Variants in PAGE5 observed in about 807,000 individuals in gnomAD.
PAGE5 encodes the protein PAGE family member 5.
In PAGE5, 8 loss-of-function variants were observed where a neutral mutation model predicts 8.1. The ratio of observed to expected loss-of-function variants is 0.98; its 90% CI spans 0.58 to 1.77. PAGE5 has a LOEUF of 1.77. Ranked by LOEUF, PAGE5 falls within the 40% of genes most tolerant of loss-of-function variation. The pLI, the probability that PAGE5 is intolerant of heterozygous loss-of-function variation, is 0.00. For synonymous variants in PAGE5, 30 were observed against 27.0 expected (o/e 1.11, Z -0.35); for missense variants, 64 against 77.6 (o/e 0.82, Z 0.66).
rs139157701 is a variant in PAGE5 at position 55,220,374 on chromosome X, G to C, written c.-87G>C. On this transcript the variant is annotated 5_prime_UTR_variant, in exon 1 of 5. Coordinates refer to ENST00000374955, the MANE Select transcript of PAGE5 (RefSeq NM_001013435.3). ...CTGTCTAGGCAGAGCTCTGCAAGGA[G>C]AGGTTGTGTCTTCGTTCTTTCCGCC... 3,488 of 412,140 alleles carry C rather than the reference G, an allele frequency of 8.5e-3. 17 individuals are homozygous for C. Among genetic ancestry groups the C allele is most frequent in the Non-Finnish European group, 0.013 (2,947 of 231,016 alleles). 34.0% of individuals were successfully genotyped at this position (412,140 alleles called of 1,213,427 possible).
intron 1 of PAGE5, chrX:55,220,712 T>TA: frequency 1.8e-6 from 2 of 1,098,009 alleles, no homozygotes; most frequent in African/African-American, 3.6e-5. Context: ...TGGGTGCTGT[T>TA]AGAGGTGTCT....
chrX:55,221,989 A>G (rs774897304), intron 3 of PAGE5, 114 bp downstream of exon 3: 70 of 813,246 alleles, frequency 8.6e-5, no homozygotes, highest in Non-Finnish European at 1.1e-4. Flanking sequence ...AATCTTAAAC[A>G]TTTCTTACTG....
At chrX:55,223,875 A>T (rs1237902852) in intron 4 of PAGE5, 112 bp from the exon 5 acceptor site, 1 of 511,331 alleles carries the variant, frequency 2.0e-6, no homozygotes, top group East Asian at 4.2e-5. Flanking sequence ...AGCTAAAGGG[A>T]CACCCTCAGG....
chrX:55,222,626 G>T lies in PAGE5; in HGVS notation c.196G>T (p.Asp66Tyr), dbSNP rs919542312. ...NEGAPAVQGT[D>Y]VEAFQQELAL... ...GACGACTTTTTATCTTTAAGGGACT[G>T]ATGTGGAAGCTTTTCAACAGGAACT... The change falls in exon 4 of 5, where the codon GAT (aspartate) becomes TAT (tyrosine). Residue 66 changes from aspartate to tyrosine, a missense_variant. By Grantham distance (160) the Asp-to-Tyr change is radical. Coordinates refer to ENST00000374955, the MANE Select transcript of PAGE5 (RefSeq NM_001013435.3). 2 of 1,206,356 alleles carry T rather than the reference G, an allele frequency of 1.7e-6. No homozygotes were observed. Among genetic ancestry groups the T allele is most frequent in the Non-Finnish European group, 2.2e-6 (2 of 890,548 alleles).
chrX:55,223,826 G>T (rs1180004782), intron 4 of PAGE5, among the ~76,000 whole-genome samples, 161 bp from the exon 5 acceptor site: 1 of 111,768 alleles, frequency 8.9e-6, no homozygotes, highest in Admixed American at 9.5e-5. Flanking sequence ...ATGCCTGGAA[G>T]TCTACCTTCT....
At chrX:55,220,674 C>T (rs1198200381) in intron 1 of PAGE5, 1 of 1,187,816 alleles carries the variant, frequency 8.4e-7, no homozygotes. Context: ...GGGGGTAGAT[C>T]GCCTGAAGAT....
At chrX:55,221,899 G>A (rs1773863297) in intron 3 of PAGE5, 24 bp downstream of exon 3, 1 of 1,169,413 alleles carries the variant, frequency 8.6e-7, no homozygotes, top group African/African-American at 1.8e-5. Context: ...GGAGAATAAT[G>A]CTTATGGGTG....
intron 4 of PAGE5, among the ~76,000 whole-genome samples, chrX:55,223,023 G>A (rs925730714): frequency 4.5e-5 from 5 of 111,531 alleles, no homozygotes; most frequent in African/African-American, 1.3e-4. Context: ...TTGGGTCAAA[G>A]CTAATTGAGT....
rs987453706 is a variant in PAGE5, at chrX:55,223,234, A to G, written c.316+488A>G. ...GATAAGAAAAGGTTTTCTAACTTTT[A>G]AATGTAAGTCATGTAACCAACAGCC... On this transcript the variant is annotated intron_variant, in intron 4 of 4. Coordinates refer to ENST00000374955, the MANE Select transcript of PAGE5 (RefSeq NM_001013435.3). Among the ~76,000 whole-genome samples, 4 of 112,782 alleles carry G rather than the reference A, an allele frequency of 3.5e-5. No individual in the cohort carries two copies. In the Admixed American group the frequency reaches 3.7e-4, roughly 11 times the overall value.
rs752962148 is a variant in PAGE5 at position 55,221,564 on chromosome X, A to T, written c.81+101A>T. 1.5e-3 allele frequency: 1,490 copies of T among 998,696 alleles called. 8 individuals carry two copies. The highest frequency in any genetic ancestry group is 1.1e-3 in the Non-Finnish European group (811 of 736,147). 82.3% of individuals were successfully genotyped at this position (998,696 alleles called of 1,213,427 possible). A position where few individuals can be genotyped will look rare whatever the true frequency, so the allele number is the denominator to read the frequency against. ...ACTGATACAGGTGTTCCATGCTAAT[A>T]AAAAATGATGATGGCATCTCATGAA... On this transcript the variant is annotated intron_variant, in intron 2 of 4. Transcript: ENST00000374955.
At chrX:55,220,480 A>C in intron 1 of PAGE5, 28 bp downstream of exon 1, 1 of 646,340 alleles carries the variant, frequency 1.5e-6, no homozygotes, top group Non-Finnish European at 2.5e-6. Flanking sequence ...TCTTCCTGGT[A>C]ATTTAGTTGT....
intron 4 of PAGE5, among the ~76,000 whole-genome samples, chrX:55,223,229 C>CT (rs1937916565): frequency 2.7e-5 from 3 of 112,376 alleles, no homozygotes; most frequent in African/African-American, 9.7e-5. Flanking sequence ...GGTTTTCTAA[C>CT]TTTTAAATGT....
chrX:55,220,450 C>T lies in PAGE5; in HGVS notation c.-11C>T. 1.9e-6 allele frequency: 1 copy of T among 529,623 alleles called. No individual in the cohort carries two copies. The highest frequency in any genetic ancestry group is 2.9e-5 in the Admixed American group (1 of 34,431). 43.6% of individuals were successfully genotyped at this position (529,623 alleles called of 1,213,427 possible). A position where few individuals can be genotyped will look rare whatever the true frequency, so the allele number is the denominator to read the frequency against. On this transcript the variant is annotated splice_region_variant and 5_prime_UTR_variant, in exon 1 of 5. Transcript: ENST00000374955. ...TTCTTTCTCACTGACCGAGACTCAG[C>T]CGGTAGGTCTGCAGAGTGGTCTTCC...
chrX:55,221,809 C>T lies in PAGE5; in HGVS notation c.124C>T (p.Pro42Ser). ...TEEKRQEEEP[P>S]TDNQGIAPSG... ...GGAAAAACGTCAAGAAGAGGAACCACCAACTGATAATCAGGGTATTGCACC... is the reference window on the plus strand; with the variant it reads ...GGAAAAACGTCAAGAAGAGGAACCATCAACTGATAATCAGGGTATTGCACC... Residue 42 changes from proline (P) to serine (S), a missense_variant, in exon 3 of 5, where the codon CCA (proline) becomes TCA (serine). Physicochemically the swap from Pro to Ser is moderately conservative, Grantham distance 74. Coordinates refer to ENST00000374955, the MANE Select transcript of PAGE5 (RefSeq NM_001013435.3). 8.3e-7 allele frequency: 1 copy of T among 1,210,103 alleles called. No individual in the cohort carries two copies. Among genetic ancestry groups the T allele is most frequent in the Non-Finnish European group, 1.1e-6 (1 of 894,865 alleles).
intron 3 of PAGE5, among the ~76,000 whole-genome samples, chrX:55,222,370 A>G (rs999835723): frequency 3.6e-5 from 4 of 112,211 alleles, no homozygotes; most frequent in African/African-American, 9.7e-5. Flanking sequence ...ACTGACTCAA[A>G]CAAATCACTG....
At chrX:55,222,478 T>G (rs1024083027) in intron 3 of PAGE5, 143 bp from the exon 4 acceptor site, 10 of 704,136 alleles carry the variant, frequency 1.4e-5, no homozygotes, top group Non-Finnish European at 2.1e-5. Flanking sequence ...TTTGAACATT[T>G]CTGCTTTCCT....
At chrX:55,220,891 A>G (rs1209931021) in intron 1 of PAGE5, among the ~76,000 whole-genome samples, 3 of 111,102 alleles carry the variant, frequency 2.7e-5, no homozygotes, top group Admixed American at 9.6e-5. Context: ...AGAGGTGTCC[A>G]GTGAGGAACA....
intron 4 of PAGE5, among the ~76,000 whole-genome samples, chrX:55,223,143 A>G (rs898290798): frequency 8.9e-6 from 1 of 112,648 alleles, no homozygotes; most frequent in Non-Finnish European, 1.9e-5. Flanking sequence ...CAATGTATGT[A>G]TATTTTAAAA....
intron 3 of PAGE5, 102 bp downstream of exon 3, chrX:55,221,977 G>A (rs1602334773): frequency 1.1e-6 from 1 of 904,379 alleles, no homozygotes; most frequent in East Asian, 3.4e-5. Context: ...ACATTAGGAA[G>A]GAATCTTAAA....
Sources: allele counts gnomAD v4.1 joint callset (sites outside exome capture counted in the v4.1 genomes callset), GRCh38; gene constraint gnomAD v4.1.1; transcripts MANE v1.5; gene names NCBI Gene and HGNC (gene_info 2026-07-23, HGNC 2026-07-21).